The following KIAA0319L variants were observed in gnomAD, a reference collection of about 807,000 sequenced individuals.
KIAA0319L encodes dyslexia-associated protein KIAA0319-like protein.
A neutral mutation model predicts 120.1 loss-of-function variants in KIAA0319L; 55 were observed. The ratio of observed to expected loss-of-function variants is 0.46; its 90% confidence interval spans 0.37 to 0.57. KIAA0319L has a LOEUF of 0.57. Among genes scored for constraint, KIAA0319L ranks in the 20% least tolerant of loss-of-function variants. The pLI, the probability that KIAA0319L is intolerant of heterozygous loss-of-function variation, is 0.00. For synonymous variants in KIAA0319L, 398 were observed against 471.9 expected (o/e 0.84, Z 2.03); for missense variants, 1,049 against 1,255.3 (o/e 0.84, Z 2.48).
At chr1:35,556,508 A>C (rs1382564637) in intron 1 of KIAA0319L, 1 of 152,244 alleles carries the variant, frequency 6.6e-6, no homozygotes, top group East Asian at 1.9e-4. Context: ...TGTTTTCCAA[A>C]TAGCTGGAAA....
chr1:35,534,698 A>C (rs1195454947), intron 2 of KIAA0319L, among the ~76,000 whole-genome samples: 1 of 151,748 alleles, frequency 6.6e-6, no homozygotes, highest in Non-Finnish European at 1.5e-5. Context: ...TCTCTACTAA[A>C]AATACAAAAA....
chr1:35,460,488 AC>A, intron 8 of KIAA0319L, 51 bp from the exon 9 acceptor site: 2 of 1,568,104 alleles, frequency 1.3e-6, no homozygotes, highest in Non-Finnish European at 1.7e-6. Context: ...TGGTCTTAGC[AC>A]TTATCCAGTT....
Position 35,453,598 on chromosome 1 carries a change from T to C in KIAA0319L, c.1872A>G (p.Ser624=). ...GATATGAGATAATTTTCTGATCATC[T>C]GAGCTCTTGCTGCCATCCAGGGTTG... The part of the protein sequence containing the change: ...DSTTLDGSKS[S]DDQKIISYLW... Residue 624 remains serine, a synonymous_variant, in exon 12 of 21, where the codon TCA becomes TCG. Transcript: ENST00000325722. The surrounding 1 kb of genome is among the most constrained non-coding windows in gnomAD (Gnocchi z 4.1). 6.2e-7 allele frequency: 1 copy of C among 1,614,142 alleles called. No homozygotes were observed. The highest frequency in any genetic ancestry group is 8.5e-7 in the Non-Finnish European group (1 of 1,179,982).
intron 2 of KIAA0319L, among the ~76,000 whole-genome samples, chr1:35,526,386 T>C (rs894114245): frequency 4.8e-4 from 57 of 118,212 alleles, no homozygotes; most frequent in Admixed American, 1.1e-3. Context: ...TATATATACA[T>C]ACATATATAT....
chr1:35,537,636 A>AAC (rs1286453917), intron 2 of KIAA0319L, among the ~76,000 whole-genome samples: 1 of 150,716 alleles, frequency 6.6e-6, no homozygotes, highest in African/African-American at 2.4e-5. Flanking sequence ...AAAAAAAAAA[A>AAC]ACTGCAGTGG....
chr1:35,441,962 G>C lies in KIAA0319L; in HGVS notation c.2870+284C>G, dbSNP rs566377187. 1.6e-4 allele frequency among the ~76,000 whole-genome samples: 24 copies of C among 152,250 alleles called. 1 individual carries two copies. The East Asian group carries it at 3.9e-3, about 25-fold the overall frequency. Reference sequence around the variant, plus strand: ...GATGTGATCCGGGTCTGTACCCCTGGCCCTCACGCTCACTCCCCCACCTTG... The same window carrying C: ...GATGTGATCCGGGTCTGTACCCCTGCCCCTCACGCTCACTCCCCCACCTTG... On this transcript the variant is annotated intron_variant, in intron 19 of 20. Coordinates refer to ENST00000325722, the MANE Select transcript of KIAA0319L (RefSeq NM_024874.5).
chr1:35,441,082 T>C lies in KIAA0319L; in HGVS notation c.2927A>G (p.Gln976Arg). The change falls in exon 20 of 21, where the codon CAG becomes CGG. Residue 976 changes from glutamine (Q) to arginine (R), a missense_variant. Gln to Arg is a conservative substitution (Grantham distance 43). Transcript: ENST00000325722. ...SKYKILDATDQESLELKPTSR... is the reference protein window; with the variant it reads ...SKYKILDATDRESLELKPTSR... ...GGTTGGCTTCAGCTCCAGGCTTTCC[T>C]GATCCGTGGCATCCAGGATCTTGTA... 1 of 1,614,234 alleles carries C rather than the reference T, an allele frequency of 6.2e-7. No individual in the cohort carries two copies. The highest frequency in any genetic ancestry group is 8.5e-7 in the Non-Finnish European group (1 of 1,180,034).
At chr1:35,484,888 C>T (rs1644326896) in intron 3 of KIAA0319L, among the ~76,000 whole-genome samples, 1 of 146,758 alleles carries the variant, frequency 6.8e-6, no homozygotes, top group South Asian at 2.1e-4. Context: ...ATGTGCCATG[C>T]TGGTGCGCTG....
intron 2 of KIAA0319L, among the ~76,000 whole-genome samples, chr1:35,539,233 C>G (rs1646701776): frequency 6.6e-6 from 1 of 152,132 alleles, no homozygotes; most frequent in African/African-American, 2.4e-5. Flanking sequence ...GGAGGCGAAA[C>G]AGCTCAATCA....
At chr1:35,512,272 A>T (rs900638113) in intron 2 of KIAA0319L, among the ~76,000 whole-genome samples, 13 of 151,816 alleles carry the variant, frequency 8.6e-5, no homozygotes, top group South Asian at 6.2e-4. Flanking sequence ...TGTCTCAAAA[A>T]AAATAAATAA....
Position 35,537,385 on chromosome 1 carries a change from CT to C in KIAA0319L, c.142+16964del, listed in dbSNP as rs138689877. Among the ~76,000 whole-genome samples the C allele has an allele frequency of 1.5e-3, 186 of 126,770 alleles. 1 individual carries two copies. Among genetic ancestry groups the C allele is most frequent in the Non-Finnish European group, 1.8e-3 (105 of 59,340 alleles). The allele number at this position is 126,770 out of a possible 152,430, so 83.2% of individuals were successfully genotyped here. On this transcript the variant is annotated intron_variant, in intron 2 of 20. Transcript: ENST00000325722. ...TTGGGAAGGTTTTTCCTTTCCTTTC[CT>C]TTTTTTTTTTTTTTTTCTGGCTTGT...
rs201721355 is a variant in KIAA0319L at position 35,514,376 on chromosome 1, AC to A, written c.143-7242del. 4.6e-3 allele frequency among the ~76,000 whole-genome samples: 697 copies of A among 150,462 alleles called. 8 individuals carry two copies. Among genetic ancestry groups the A allele is most frequent in the African/African-American group, 0.016 (635 of 40,460 alleles). ...CGATGCTAGGGATTAAAAAAAAAAA[AC>A]AAAACTTACAAAATGGACTAAATGC... On this transcript the variant is annotated intron_variant, in intron 2 of 20. Transcript: ENST00000325722.
Position 35,434,559 on chromosome 1 carries a change from G to T in KIAA0319L, c.*335C>A. On this transcript the variant is annotated 3_prime_UTR_variant, in exon 21 of 21. Coordinates refer to ENST00000325722, the MANE Select transcript of KIAA0319L (RefSeq NM_024874.5). ...GCAGGCCTCACCTTGCAGCACTCTG[G>T]GCACAATGACACTGTCCACTGGGGA... 2 of 272,082 alleles carry T rather than the reference G, an allele frequency of 7.4e-6. No individual in the cohort carries two copies. Among genetic ancestry groups the T allele is most frequent in the Non-Finnish European group, 1.4e-5 (2 of 145,106 alleles). The allele number at this position is 272,082 out of a possible 1,614,324, so 16.9% of individuals were successfully genotyped here.
chr1:35,522,752 T>TCC (rs1024595145), intron 2 of KIAA0319L, among the ~76,000 whole-genome samples: 53 of 150,926 alleles, frequency 3.5e-4, no homozygotes, highest in African/African-American at 1.2e-3. Context: ...GCGCGGGGGC[T>TCC]CATGCCTGTA....
chr1:35,449,442 A>C (rs899694940), intron 15 of KIAA0319L, among the ~76,000 whole-genome samples: 6 of 152,226 alleles, frequency 3.9e-5, no homozygotes, highest in Non-Finnish European at 5.9e-5. Context: ...TCAACTTATA[A>C]AAATAAATTG....
At chr1:35,501,011 A>G (rs926272817) in intron 3 of KIAA0319L, among the ~76,000 whole-genome samples, 3 of 151,532 alleles carry the variant, frequency 2.0e-5, no homozygotes, top group African/African-American at 7.3e-5. Flanking sequence ...TCCGTGCAAC[A>G]CTGCATGCAG....
chr1:35,521,768 C>T lies in KIAA0319L; in HGVS notation c.143-14633G>A, dbSNP rs550582602. On this transcript the variant is annotated intron_variant, in intron 2 of 20. Transcript: ENST00000325722. ...TGGGCGGATCACGAGGTCGGGAGAT[C>T]GAGACCATCCTGGCTAACACAGTGA... Among the ~76,000 whole-genome samples the T allele has an allele frequency of 2.7e-3, 404 of 151,964 alleles. 3 individuals are homozygous for T. Among genetic ancestry groups the T allele is most frequent in the African/African-American group, 9.2e-3 (383 of 41,456 alleles).
At chr1:35,484,379 C>T (rs1644284104) in intron 3 of KIAA0319L, among the ~76,000 whole-genome samples, 1 of 151,986 alleles carries the variant, frequency 6.6e-6, no homozygotes, top group Non-Finnish European at 1.5e-5. Context: ...TCAAGGCCAG[C>T]CTAGGCAACA....
In KIAA0319L at chr1:35,557,360, A is replaced by C; in HGVS notation, c.-182T>G. ...GTGCGGGCTCCCCACCCGGACAGCTACCTCTCGCCTCAGCCTCCCTGGACA... is the reference window on the plus strand; with the variant it reads ...GTGCGGGCTCCCCACCCGGACAGCTCCCTCTCGCCTCAGCCTCCCTGGACA... On this transcript the variant is annotated 5_prime_UTR_variant, in exon 1 of 21. Transcript: ENST00000325722. 3.5e-6 allele frequency: 1 copy of C among 286,606 alleles called. No homozygotes were observed. Among genetic ancestry groups the C allele is most frequent in the Non-Finnish European group, 6.9e-6 (1 of 145,312 alleles). The allele number at this position is 286,606 out of a possible 1,614,324, so 17.8% of individuals were successfully genotyped here.
Sources: gnomAD v4.1 joint callset for allele counts (sites outside exome capture counted in the v4.1 genomes callset) on GRCh38, gnomAD v4.1.1 for gene constraint, Gnocchi (gnomAD v3.1) non-coding constraint, MANE v1.5 for transcripts, NCBI Gene and HGNC (gene_info 2026-07-23, HGNC 2026-07-21) for gene names.